XYLT1: variants seen among roughly 807,000 people sequenced by gnomAD.
The protein encoded by XYLT1 is beta-D-xylosyltransferase 1.
In XYLT1, 36 loss-of-function variants were observed where a neutral mutation model predicts 91.3. That is an observed-to-expected ratio of 0.39 (90% CI 0.30 to 0.52). XYLT1 has a LOEUF of 0.52. Ranked by LOEUF, XYLT1 falls within the 20% of genes least tolerant of loss-of-function variation. The probability of loss-of-function intolerance (pLI) is 0.68; values close to 1 mark genes in which losing one functional copy is unlikely to be tolerated. For synonymous variants in XYLT1, 588 were observed against 532.0 expected (o/e 1.11, Z -1.45); for missense variants, 1,242 against 1,284.5 (o/e 0.97, Z 0.51).
rs552211302 is a variant in XYLT1 at position 17,215,955 on chromosome 16, G to A, written c.914-15301C>T. ...GCTTGTTATCCATGGTTGAGGAGTG[G>A]GTGGCAGGCAGGACACATTTTGAAA... On this transcript the variant is annotated intron_variant, in intron 3 of 11. Transcript: ENST00000261381. 8.0e-5 allele frequency among the ~76,000 whole-genome samples: 12 copies of A among 149,824 alleles called. No homozygotes were observed. In the East Asian group the frequency reaches 1.9e-3, roughly 24 times the overall value.
At chr16:17,141,800 T>C (rs1462379122) in intron 6 of XYLT1, among the ~76,000 whole-genome samples, 2 of 152,238 alleles carry the variant, frequency 1.3e-5, no homozygotes, top group Non-Finnish European at 2.9e-5. Flanking sequence ...CAACAAAATA[T>C]ACAGGGTTAT....
Position 17,138,357 on chromosome 16 carries a change from G to C in XYLT1, c.1762C>G (p.Gln588Glu). Reference sequence around the variant, plus strand: ...GGCAGACCATGAGAAAGTCTCACCTGGAAGCGGTGGAAGTCCTGCGGCTTG... The same window carrying C: ...GGCAGACCATGAGAAAGTCTCACCTCGAAGCGGTGGAAGTCCTGCGGCTTG... The part of the protein sequence containing the change: ...DFKPQDFHRF[Q>E]QTARPTFFAR... The change falls in exon 8 of 12, where the codon CAG becomes GAG. Residue 588 changes from glutamine to glutamate, a missense_variant and splice_region_variant. Around this residue, in one of 3 missense-constraint regions of XYLT1, gnomAD observed 511 missense variants for 497.0 expected, o/e 1.03. Transcript: ENST00000261381. 6.2e-7 allele frequency: 1 copy of C among 1,610,932 alleles called. No individual in the cohort carries two copies.
intron 3 of XYLT1, among the ~76,000 whole-genome samples, chr16:17,224,830 A>T (rs1289380201): frequency 6.6e-6 from 1 of 152,164 alleles, no homozygotes; most frequent in Non-Finnish European, 1.5e-5. Flanking sequence ...GGAATCTTAA[A>T]TATTTTATTT....
chr16:17,372,569 A>T (rs2035549849), intron 1 of XYLT1, among the ~76,000 whole-genome samples: 1 of 152,222 alleles, frequency 6.6e-6, no homozygotes, highest in Non-Finnish European at 1.5e-5. Flanking sequence ...GGCCTGTCGA[A>T]TTCAGGACCA....
intron 1 of XYLT1, among the ~76,000 whole-genome samples, chr16:17,422,892 G>A (rs183159239): frequency 3.7e-4 from 56 of 152,236 alleles, no homozygotes; most frequent in African/African-American, 1.3e-3. Context: ...TTTGTGTACC[G>A]CAAAGTGGCA....
At chr16:17,387,932 A>C (rs1479122268) in intron 1 of XYLT1, among the ~76,000 whole-genome samples, 2 of 152,222 alleles carry the variant, frequency 1.3e-5, no homozygotes, top group African/African-American at 2.4e-5. Flanking sequence ...AGAGCTATAA[A>C]ACAAAGATGC....
intron 7 of XYLT1, 92 bp downstream of exon 7, chr16:17,141,061 A>C: frequency 7.7e-7 from 1 of 1,303,568 alleles, no homozygotes; most frequent in South Asian, 1.3e-5. Flanking sequence ...AGGTGGACCC[A>C]GAATCTCTTT....
intron 2 of XYLT1, among the ~76,000 whole-genome samples, chr16:17,259,840 T>A (rs2033696259): frequency 6.6e-6 from 1 of 152,210 alleles, no homozygotes; most frequent in African/African-American, 2.4e-5. Flanking sequence ...CAGCGTCCCG[T>A]TTAAATTCCA....
chr16:17,466,520 T>A (rs2036899287), intron 1 of XYLT1, among the ~76,000 whole-genome samples: 1 of 152,220 alleles, frequency 6.6e-6, no homozygotes, highest in South Asian at 2.1e-4. Context: ...ATTAAAACCA[T>A]GAATCAAACT....
chr16:17,111,444 C>T (rs117647672), intron 11 of XYLT1, among the ~76,000 whole-genome samples: 99 of 152,192 alleles, frequency 6.5e-4, no homozygotes, highest in Admixed American at 1.2e-3. Context: ...TGCGCTTTAC[C>T]AAATCAGGCT....
At chr16:17,348,710 C>T (rs2035179886) in intron 2 of XYLT1, among the ~76,000 whole-genome samples, 1 of 152,196 alleles carries the variant, frequency 6.6e-6, no homozygotes, top group African/African-American at 2.4e-5. Flanking sequence ...ATCCCTCATA[C>T]ACCTGGACCT....
At chr16:17,366,308 TA>T (rs2141870145) in intron 1 of XYLT1, among the ~76,000 whole-genome samples, 1 of 152,320 alleles carries the variant, frequency 6.6e-6, no homozygotes, top group South Asian at 2.1e-4. Context: ...TAAGGTCACA[TA>T]GCTAGTCAAT....
At chr16:17,387,980 G>GT (rs1227754759) in intron 1 of XYLT1, among the ~76,000 whole-genome samples, 1 of 152,152 alleles carries the variant, frequency 6.6e-6, no homozygotes, top group Non-Finnish European at 1.5e-5. Context: ...ACTGATGCTC[G>GT]TGACTTATAA....
intron 11 of XYLT1, among the ~76,000 whole-genome samples, chr16:17,116,893 G>T (rs138202025): frequency 1.0e-3 from 155 of 152,228 alleles, no homozygotes; most frequent in Non-Finnish European, 1.7e-3. Context: ...CATTTTTAAT[G>T]AGGCTGAACA....
intron 2 of XYLT1, among the ~76,000 whole-genome samples, chr16:17,268,014 T>C (rs535062710): frequency 2.6e-5 from 4 of 152,282 alleles, no homozygotes; most frequent in East Asian, 1.9e-4. Flanking sequence ...CTGGGAACTG[T>C]TGGGGGTCCC....
intron 1 of XYLT1, among the ~76,000 whole-genome samples, chr16:17,465,835 C>T (rs2036889580): frequency 6.6e-6 from 1 of 152,146 alleles, no homozygotes; most frequent in South Asian, 2.1e-4. Flanking sequence ...AAGGAACAGG[C>T]CCACATGAGT....
In XYLT1 at chr16:17,259,978, T is replaced by C. The variant is rs192171588; in HGVS notation, c.403-480A>G. On this transcript the variant is annotated intron_variant, in intron 2 of 11. Transcript: ENST00000261381. ...GGACATGCTCATATATCTATGCCCA[T>C]AAGAGAAATCAGACTGAGCCGTTGT... Among the ~76,000 whole-genome samples the C allele has an allele frequency of 2.6e-5, 4 of 151,764 alleles. No homozygotes were observed. In the East Asian group the frequency reaches 7.8e-4, roughly 29 times the overall value.
In XYLT1 at chr16:17,219,091, G is replaced by A. The variant is rs1187153263; in HGVS notation, c.914-18437C>T. On this transcript the variant is annotated intron_variant, in intron 3 of 11. Coordinates refer to ENST00000261381, the MANE Select transcript of XYLT1 (RefSeq NM_022166.4). ...GAGGTCAAGAGTTCAAGACCATCCTGGCCAACATGGTAAAACCCTGTATCT... is the reference window on the plus strand; with the variant it reads ...GAGGTCAAGAGTTCAAGACCATCCTAGCCAACATGGTAAAACCCTGTATCT... 2.6e-5 allele frequency among the ~76,000 whole-genome samples: 4 copies of A among 151,932 alleles called. No homozygotes were observed. The East Asian group carries it at 7.8e-4, about 29-fold the overall frequency.
intron 3 of XYLT1, 21 bp from the exon 4 acceptor site, chr16:17,200,675 CAG>C: frequency 3.1e-6 from 5 of 1,603,688 alleles, no homozygotes; most frequent in Non-Finnish European, 4.3e-6. Flanking sequence ...TCCAAGAGAA[CAG>C]AGAGGAGAAA....
Sources: allele counts gnomAD v4.1 joint callset (sites outside exome capture counted in the v4.1 genomes callset), GRCh38; gene constraint gnomAD v4.1.1; regional missense constraint gnomAD v4.1.1; transcripts MANE v1.5; gene names NCBI Gene and HGNC (gene_info 2026-07-23, HGNC 2026-07-21).